PGR: variants seen among roughly 807,000 people sequenced by gnomAD.
PGR encodes the protein progesterone receptor, also known as nuclear receptor subfamily 3 group C member 3.
PGR carries 25 observed loss-of-function variants against 76.1 expected under a neutral mutation model. The ratio of observed to expected loss-of-function variants is 0.33; its 90% CI spans 0.24 to 0.46. PGR has a LOEUF of 0.46. Ranked by LOEUF, PGR falls within the 20% of genes least tolerant of loss-of-function variation. PGR has a pLI of 1.00. For synonymous variants in PGR, 579 were observed against 535.0 expected, an observed-to-expected ratio of 1.08 and a Z score of -1.14; for missense variants, 1,172 against 1,225.3, an observed-to-expected ratio of 0.96 and a Z score of 0.65.
rs748082098 is a variant in PGR, at chr11:101,128,468, C to G, written c.603G>C (p.Glu201Asp). ...PARQLLLPASESPHWSGAPVK... is the reference protein window; with the variant it reads ...PARQLLLPASDSPHWSGAPVK... The stretch of plus-strand genomic sequence containing the variant: ...CTGGGGCCCCGGACCAGTGAGGGCT[C>G]TCAGAGGCCGGGAGCAGCAGCTGCC... The change falls in exon 1 of 8, where the codon GAG becomes GAC. Residue 201 changes from glutamate (E) to aspartate (D), a missense_variant. Physicochemically the swap from Glu to Asp is conservative, Grantham distance 45. Coordinates refer to ENST00000325455, the MANE Select transcript of PGR (RefSeq NM_000926.4). 4 of 1,608,648 alleles carry G rather than the reference C, an allele frequency of 2.5e-6. No homozygotes were observed. Among genetic ancestry groups the G allele is most frequent in the Non-Finnish European group, 3.4e-6 (4 of 1,179,458 alleles).
intron 3 of PGR, among the ~76,000 whole-genome samples, chr11:101,068,635 A>G (rs1860808183): frequency 6.6e-6 from 1 of 152,212 alleles, no homozygotes; most frequent in South Asian, 2.1e-4. Flanking sequence ...ACTCTACAGT[A>G]ACTAAAACAG....
At chr11:101,098,547 T>C (rs896160744) in intron 2 of PGR, among the ~76,000 whole-genome samples, 1 of 152,054 alleles carries the variant, frequency 6.6e-6, no homozygotes, top group African/African-American at 2.4e-5. Flanking sequence ...TAAAATATAA[T>C]AGAAGCATGT....
chr11:101,073,059 A>G (rs1161804298), intron 3 of PGR, among the ~76,000 whole-genome samples: 8 of 152,198 alleles, frequency 5.3e-5, no homozygotes, highest in Admixed American at 4.6e-4. Context: ...TCTAAAATTG[A>G]CCACATAATT....
intron 1 of PGR, 52 bp downstream of exon 1, chr11:101,127,370 CCGCCGCCGCCAA>C: frequency 1.6e-6 from 2 of 1,286,836 alleles, no homozygotes; most frequent in Admixed American, 6.0e-5. Flanking sequence ...GGGTTGGCGG[CCGCCGCCGCCAA>C]CGGAACCGCT....
At chr11:101,059,295 A>G (rs1478166438) in intron 4 of PGR, among the ~76,000 whole-genome samples, 1 of 151,986 alleles carries the variant, frequency 6.6e-6, no homozygotes, top group African/African-American at 2.4e-5. Flanking sequence ...TATCACTTTC[A>G]CATAACACTA....
intron 3 of PGR, among the ~76,000 whole-genome samples, chr11:101,073,113 T>C (rs1335309369): frequency 2.0e-5 from 3 of 152,138 alleles, no homozygotes; most frequent in Admixed American, 2.0e-4. Flanking sequence ...ATGGAAATAA[T>C]AACAAACAGT....
At chr11:101,117,799 C>T (rs531463570) in intron 2 of PGR, among the ~76,000 whole-genome samples, 3 of 146,458 alleles carry the variant, frequency 2.0e-5, no homozygotes, top group African/African-American at 7.3e-5. Context: ...CTACTGCAGA[C>T]ACATCTCTGC....
intron 3 of PGR, among the ~76,000 whole-genome samples, chr11:101,091,178 T>C (rs1460148436): frequency 1.3e-5 from 2 of 152,182 alleles, no homozygotes; most frequent in Non-Finnish European, 2.9e-5. Context: ...CTATCTGACA[T>C]TAATTTTTTA....
At position 101,062,866 on chromosome 11, in the gene PGR, C is replaced by CAAAT. The variant is rs1565339214; in HGVS notation, c.1907-115_1907-114insATTT. The CAAAT allele has an allele frequency of 1.1e-4, 45 of 426,832 alleles. No homozygotes were observed. In the South Asian group the frequency reaches 1.2e-3, roughly 12 times the overall value. 26.4% of individuals were successfully genotyped at this position (426,832 alleles called of 1,614,324 possible). On this transcript the variant is annotated intron_variant, in intron 3 of 7. Transcript: ENST00000325455. ...TAGCATTATGCATTTTAGCATCAAT[C>CAAAT]GAATGAAATAGAATAAAAGTGTTAG...
chr11:101,058,543 A>AAT (rs1179717766), intron 4 of PGR, among the ~76,000 whole-genome samples: 1 of 152,198 alleles, frequency 6.6e-6, no homozygotes, highest in African/African-American at 2.4e-5. Flanking sequence ...TGACACAAAG[A>AAT]ATAAAGTATG....
intron 3 of PGR, among the ~76,000 whole-genome samples, chr11:101,082,313 T>C (rs754883502): frequency 1.2e-4 from 19 of 152,128 alleles, no homozygotes; most frequent in African/African-American, 7.2e-5. Flanking sequence ...TATAACAGTA[T>C]GAGAATGAGC....
intron 2 of PGR, among the ~76,000 whole-genome samples, chr11:101,119,799 T>A (rs1305150175): frequency 6.6e-6 from 1 of 152,142 alleles, no homozygotes; most frequent in Admixed American, 6.5e-5. Flanking sequence ...TCTGAAAAAG[T>A]ATAAAGTAAT....
intron 2 of PGR, among the ~76,000 whole-genome samples, chr11:101,115,270 T>TA (rs1862465850): frequency 6.6e-6 from 1 of 152,016 alleles, no homozygotes; most frequent in Admixed American, 6.6e-5. Context: ...ATCCTTTCCA[T>TA]AAAAACACAT....
At chr11:101,065,806 G>A (rs571285977) in intron 3 of PGR, among the ~76,000 whole-genome samples, 8 of 152,110 alleles carry the variant, frequency 5.3e-5, no homozygotes, top group East Asian at 3.9e-4. Flanking sequence ...ATAAGAAAGC[G>A]GATGGACATG....
chr11:101,070,476 C>T (rs1860889792), intron 3 of PGR, among the ~76,000 whole-genome samples: 1 of 152,078 alleles, frequency 6.6e-6, no homozygotes, highest in Non-Finnish European at 1.5e-5. Context: ...TGAGACAGAA[C>T]CATTCACTCC....
intron 6 of PGR, 49 bp from the exon 7 acceptor site, chr11:101,042,151 T>A (rs1322712744): frequency 6.4e-7 from 1 of 1,574,108 alleles, no homozygotes; most frequent in African/African-American, 1.4e-5. Context: ...AAAGATGACA[T>A]TAACAATTTA....
chr11:101,051,336 A>C, intron 5 of PGR, 88 bp downstream of exon 5: 1 of 891,720 alleles, frequency 1.1e-6, no homozygotes, highest in East Asian at 2.4e-5. Flanking sequence ...AAGAACACTA[A>C]ATATGTGATC....
intron 2 of PGR, among the ~76,000 whole-genome samples, chr11:101,101,992 T>C (rs969958407): frequency 6.6e-6 from 1 of 152,108 alleles, no homozygotes; most frequent in Non-Finnish European, 1.5e-5. Context: ...GTCAAAACGT[T>C]TAACTGGCAT....
At chr11:101,084,849 C>CT (rs1304981575) in intron 3 of PGR, among the ~76,000 whole-genome samples, 1 of 152,078 alleles carries the variant, frequency 6.6e-6, no homozygotes, top group African/African-American at 2.4e-5. Flanking sequence ...ATAAAACAGA[C>CT]TTTAACAACA....
Sources: allele counts gnomAD v4.1 joint callset (sites outside exome capture counted in the v4.1 genomes callset), GRCh38; gene constraint gnomAD v4.1.1; transcripts MANE v1.5; gene names NCBI Gene and HGNC (gene_info 2026-07-23, HGNC 2026-07-21).